ATG16L1: variants seen among roughly 807,000 people sequenced by gnomAD.
ATG16L1 encodes the protein autophagy related 16 like 1, also known as autophagy-related protein 16-1.
A neutral mutation model predicts 88.5 loss-of-function variants in ATG16L1; 37 were observed. The observed-to-expected ratio is 0.42, with a 90% CI of 0.32 to 0.55. The LOEUF (loss-of-function observed/expected upper bound fraction) is 0.55. Among genes scored for constraint, ATG16L1 ranks in the 20% least tolerant of loss-of-function variants. ATG16L1 has a pLI of 0.13. For synonymous variants in ATG16L1, 301 were observed against 281.0 expected (o/e 1.07, Z -0.71); for missense variants, 554 against 752.8 (o/e 0.74, Z 3.09).
rs1697465041 is a variant in ATG16L1 at position 233,264,917 on chromosome 2, T to G, written c.415T>G (p.Ser139Ala). Residue 139 changes from serine to alanine, a missense_variant, in exon 5 of 18, where the codon TCT becomes GCT. Physicochemically the swap from Ser to Ala is moderately conservative, Grantham distance 99 (BLOSUM62 1). Around this residue, in one of 5 missense-constraint regions of ATG16L1, gnomAD observed 50 missense variants for 49.4 expected, o/e 1.01. Coordinates refer to ENST00000392017, the MANE Select transcript of ATG16L1 (RefSeq NM_030803.7). Reference sequence around the variant, plus strand: ...AATTGCAGAATGTTTGCAGACTATCTCTGACCTGGAGACGGAGTGCCTAGA... The same window carrying G: ...AATTGCAGAATGTTTGCAGACTATCGCTGACCTGGAGACGGAGTGCCTAGA... ...AKIAECLQTI[S>A]DLETECLDLR... 8.1e-6 allele frequency: 13 copies of G among 1,614,038 alleles called. No individual in the cohort carries two copies. Among genetic ancestry groups the G allele is most frequent in the African/African-American group, 2.7e-5 (2 of 75,064 alleles).
At chr2:233,276,715 G>A (rs1415806930) in intron 9 of ATG16L1, among the ~76,000 whole-genome samples, 1 of 152,170 alleles carries the variant, frequency 6.6e-6, no homozygotes, top group Non-Finnish European at 1.5e-5. Flanking sequence ...GAGCTCATGC[G>A]ATCTGCCCAC....
rs555957316 is a variant in ATG16L1, at chr2:233,251,803, C to T, written c.-25C>T. ...TCAGCCCTCGCTCGCATTGGTGGCG[C>T]TGAGGTGCCGGGGCAGCAAGTGACA... On this transcript the variant is annotated 5_prime_UTR_variant, in exon 1 of 18. Coordinates refer to ENST00000392017, the MANE Select transcript of ATG16L1 (RefSeq NM_030803.7). The T allele has an allele frequency of 8.4e-6, 13 of 1,545,862 alleles. No homozygotes were observed. The African/African-American group carries it at 9.6e-5, about 11-fold the overall frequency.
chr2:233,262,905 C>T (rs1225165372), intron 2 of ATG16L1, among the ~76,000 whole-genome samples: 2 of 152,140 alleles, frequency 1.3e-5, no homozygotes, highest in African/African-American at 4.8e-5. Context: ...CCTGATGTGC[C>T]TGATGGTCAC....
rs542585644 is a variant in ATG16L1 at position 233,282,289 on chromosome 2, C to T, written c.1132-393C>T. Among the ~76,000 whole-genome samples the T allele has an allele frequency of 7.2e-5, 11 of 152,076 alleles. No homozygotes were observed. In the East Asian group the frequency reaches 2.1e-3, roughly 29 times the overall value. ...AGGGGAGAAAGGAGAGGACCAGGCT[C>T]GACACATTGAAGATGAACAGTTCTC... On this transcript the variant is annotated intron_variant, in intron 11 of 17. Coordinates refer to ENST00000392017, the MANE Select transcript of ATG16L1 (RefSeq NM_030803.7).
chr2:233,257,469 A>T (rs1035897255), intron 2 of ATG16L1, among the ~76,000 whole-genome samples: 5 of 152,204 alleles, frequency 3.3e-5, no homozygotes, highest in African/African-American at 1.2e-4. Flanking sequence ...TCAACAACTT[A>T]TTATAAAATA....
At chr2:233,278,343 G>T (rs542824895) in intron 10 of ATG16L1, among the ~76,000 whole-genome samples, 2 of 152,302 alleles carry the variant, frequency 1.3e-5, no homozygotes, top group Non-Finnish European at 2.9e-5. Context: ...TTAAATATGC[G>T]TGTATTTTTA....
In ATG16L1 at chr2:233,295,412, T is replaced by G. The variant is rs1182616612; in HGVS notation, c.*1062T>G. 1 of 152,828 alleles carries G rather than the reference T, an allele frequency of 6.5e-6. No individual in the cohort carries two copies. The highest frequency in any genetic ancestry group is 2.4e-5 in the African/African-American group (1 of 41,464). The allele number at this position is 152,828 out of a possible 1,614,324, so 9.5% of individuals were successfully genotyped here. A position where few individuals can be genotyped will look rare whatever the true frequency, so the allele number is the denominator to read the frequency against. Reference sequence around the variant, plus strand: ...CACTTTATTTTTTTTCTTCCATGCTTGTTCTCTGGACATTTGGGGATGTGA... The same window carrying G: ...CACTTTATTTTTTTTCTTCCATGCTGGTTCTCTGGACATTTGGGGATGTGA... On this transcript the variant is annotated 3_prime_UTR_variant, in exon 18 of 18. Coordinates refer to ENST00000392017, the MANE Select transcript of ATG16L1 (RefSeq NM_030803.7).
intron 2 of ATG16L1, among the ~76,000 whole-genome samples, chr2:233,258,376 A>G (rs1315200811): frequency 6.6e-6 from 1 of 152,208 alleles, no homozygotes; most frequent in African/African-American, 2.4e-5. Flanking sequence ...GTCTCCTGAT[A>G]GAGGACAGAG....
chr2:233,273,948 C>A, intron 8 of ATG16L1, 171 bp downstream of exon 8: 1 of 1,547,014 alleles, frequency 6.5e-7, no homozygotes, highest in Non-Finnish European at 8.7e-7. Flanking sequence ...ACTTCCTTTC[C>A]TCTTAATCTC....
At chr2:233,278,459 T>C (rs1698519959) in intron 10 of ATG16L1, among the ~76,000 whole-genome samples, 1 of 152,312 alleles carries the variant, frequency 6.6e-6, no homozygotes, top group South Asian at 2.1e-4. Context: ...AATAAATAGC[T>C]CCAAAGTGAT....
intron 7 of ATG16L1, 185 bp downstream of exon 7, chr2:233,273,237 G>T: frequency 1.7e-6 from 1 of 579,680 alleles, no homozygotes; most frequent in African/African-American, 1.9e-5. Flanking sequence ...TAATGGGAGG[G>T]AAGCAGAACA....
At chr2:233,292,301 A>G in intron 15 of ATG16L1, 24 bp downstream of exon 15, 2 of 1,613,748 alleles carry the variant, frequency 1.2e-6, no homozygotes, top group East Asian at 4.5e-5. Context: ...TGCTGGTTGC[A>G]TGAAGACCAG....
chr2:233,264,839 C>G (rs906962143), intron 4 of ATG16L1, 53 bp from the exon 5 acceptor site: 100 of 1,605,220 alleles, frequency 6.2e-5, no homozygotes, highest in Non-Finnish European at 7.4e-5. Flanking sequence ...CCGTCTGGCT[C>G]TGGCACAGGG....
At chr2:233,284,238 T>G (rs1239198732) in intron 12 of ATG16L1, among the ~76,000 whole-genome samples, 1 of 151,216 alleles carries the variant, frequency 6.6e-6, no homozygotes, top group Non-Finnish European at 1.5e-5. Flanking sequence ...AACCTCTGCC[T>G]CCCAGGTTCA....
intron 5 of ATG16L1, 110 bp downstream of exon 5, chr2:233,265,253 A>G: frequency 7.3e-7 from 1 of 1,378,072 alleles, no homozygotes; most frequent in Non-Finnish European, 9.9e-7. Context: ...TTACCAGGGA[A>G]TTCTTTCAGT....
intron 2 of ATG16L1, among the ~76,000 whole-genome samples, chr2:233,257,125 GT>G (rs1696845097): frequency 6.6e-6 from 1 of 151,996 alleles, no homozygotes; most frequent in South Asian, 2.1e-4. Context: ...CGCCTCCTGG[GT>G]TCAAGCCATT....
intron 1 of ATG16L1, among the ~76,000 whole-genome samples, chr2:233,255,553 C>T (rs761491995): frequency 9.9e-5 from 15 of 152,196 alleles, no homozygotes; most frequent in South Asian, 2.1e-4. Context: ...TCTGATCCTG[C>T]TTTTTCCTGT....
chr2:233,286,774 C>T (rs1184642216), intron 12 of ATG16L1, among the ~76,000 whole-genome samples: 4 of 151,530 alleles, frequency 2.6e-5, no homozygotes, highest in Non-Finnish European at 4.4e-5. Flanking sequence ...TACAGGCGCC[C>T]GCCACCACGT....
intron 6 of ATG16L1, among the ~76,000 whole-genome samples, chr2:233,271,104 G>C (rs1373363818): frequency 6.6e-6 from 1 of 152,168 alleles, no homozygotes; most frequent in Non-Finnish European, 1.5e-5. Context: ...TAAATAAATA[G>C]TTGACCTGGA....
Sources: gnomAD v4.1 joint callset for allele counts (sites outside exome capture counted in the v4.1 genomes callset) on GRCh38, gnomAD v4.1.1 for gene constraint, gnomAD v4.1.1 regional missense constraint, MANE v1.5 for transcripts, NCBI Gene and HGNC (gene_info 2026-07-23, HGNC 2026-07-21) for gene names.